Variants in PACRG observed in about 807,000 individuals in gnomAD.
PACRG encodes parkin coregulated.
Under a neutral mutation model 29.7 loss-of-function variants are expected in PACRG, and 29 were observed. The observed-to-expected ratio is 0.98, with a 90% CI of 0.73 to 1.33. PACRG has a LOEUF of 1.33. Ranked by LOEUF, PACRG falls within the 40% of genes most tolerant of loss-of-function variation. The pLI, the probability that PACRG is intolerant of heterozygous loss-of-function variation, is 0.00. For synonymous variants in PACRG, 116 were observed against 118.7 expected (o/e 0.98, Z 0.15); for missense variants, 279 against 316.2 (o/e 0.88, Z 0.89).
At chr6:162,969,280 T>G (rs1252765061) in intron 2 of PACRG, among the ~76,000 whole-genome samples, 1 of 152,084 alleles carries the variant, frequency 6.6e-6, no homozygotes, top group Non-Finnish European at 1.5e-5. Flanking sequence ...TTTCCTCCAT[T>G]TCACCTCATC....
intron 2 of PACRG, among the ~76,000 whole-genome samples, chr6:162,936,760 A>G (rs1008196949): frequency 6.6e-6 from 1 of 152,098 alleles, no homozygotes; most frequent in African/African-American, 2.4e-5. Flanking sequence ...TAAAAAGCAA[A>G]TAATTCATTT....
chr6:162,740,165 T>C (rs548462997), intron 1 of PACRG, among the ~76,000 whole-genome samples: 1 of 152,266 alleles, frequency 6.6e-6, no homozygotes, highest in East Asian at 1.9e-4. Context: ...CGAGATGAGT[T>C]CCCCCAATTT....
intron 2 of PACRG, among the ~76,000 whole-genome samples, chr6:162,975,187 T>TA (rs1801847745): frequency 6.6e-6 from 1 of 152,176 alleles, no homozygotes; most frequent in South Asian, 2.1e-4. Flanking sequence ...TGAAAATACA[T>TA]AAGCCAATAG....
chr6:162,738,215 G>A (rs1780314559), intron 1 of PACRG, among the ~76,000 whole-genome samples: 1 of 152,102 alleles, frequency 6.6e-6, no homozygotes, highest in Admixed American at 6.6e-5. Context: ...ATATCCTATA[G>A]ATAGATGGAT....
At chr6:162,749,546 G>A (rs1201505434) in intron 1 of PACRG, among the ~76,000 whole-genome samples, 1 of 151,804 alleles carries the variant, frequency 6.6e-6, no homozygotes, top group Non-Finnish European at 1.5e-5. Flanking sequence ...TTTGAGACGG[G>A]GTCTTGCTCT....
intron 2 of PACRG, among the ~76,000 whole-genome samples, chr6:162,921,847 G>T (rs892415397): frequency 1.3e-5 from 2 of 152,172 alleles, no homozygotes; most frequent in African/African-American, 4.8e-5. Flanking sequence ...ACAGAAAGCA[G>T]AGAGTTTATT....
At chr6:163,168,008 G>T (rs559126961) in intron 4 of PACRG, among the ~76,000 whole-genome samples, 12 of 152,252 alleles carry the variant, frequency 7.9e-5, no homozygotes, top group African/African-American at 2.9e-4. Context: ...TGCGGTGTTT[G>T]TTTTATCAAT....
At chr6:163,109,998 G>A (rs1815618886) in intron 4 of PACRG, among the ~76,000 whole-genome samples, 1 of 152,160 alleles carries the variant, frequency 6.6e-6, no homozygotes, top group Non-Finnish European at 1.5e-5. Context: ...TGACCACTGA[G>A]ATTTCTAGAG....
chr6:163,157,647 CA>C (rs1306960126), intron 4 of PACRG, among the ~76,000 whole-genome samples: 1 of 152,220 alleles, frequency 6.6e-6, no homozygotes, highest in African/African-American at 2.4e-5. Flanking sequence ...AACAGTTATC[CA>C]GCCAGCTGAG....
intron 4 of PACRG, among the ~76,000 whole-genome samples, chr6:163,149,127 G>T (rs1385041926): frequency 6.6e-6 from 1 of 151,970 alleles, no homozygotes; most frequent in African/African-American, 2.4e-5. Context: ...TGAAGCTCCT[G>T]CCCCGGCCCT....
intron 2 of PACRG, among the ~76,000 whole-genome samples, chr6:162,957,107 T>C (rs576652465): frequency 6.6e-6 from 1 of 151,896 alleles, no homozygotes; most frequent in African/African-American, 2.4e-5. Flanking sequence ...GAGACAGACT[T>C]GAGCTCCAGC....
chr6:163,134,386 T>C (rs1319585674), intron 4 of PACRG, among the ~76,000 whole-genome samples: 1 of 152,142 alleles, frequency 6.6e-6, no homozygotes, highest in East Asian at 1.9e-4. Flanking sequence ...ACACTGTGGG[T>C]TCACCAAAAT....
intron 2 of PACRG, among the ~76,000 whole-genome samples, chr6:162,874,137 G>GT (rs1347997264): frequency 5.8e-5 from 2 of 34,610 alleles, no homozygotes; most frequent in Non-Finnish European, 1.1e-4. Flanking sequence ...ACATGAGGGA[G>GT]TTAAAAAAAA....
intron 2 of PACRG, among the ~76,000 whole-genome samples, chr6:162,959,421 G>T (rs544456623): frequency 1.3e-5 from 2 of 152,044 alleles, no homozygotes; most frequent in Admixed American, 1.3e-4. Context: ...GAGACCTGCC[G>T]TGCATGGAGG....
intron 4 of PACRG, among the ~76,000 whole-genome samples, chr6:163,152,040 C>A (rs1778114100): frequency 6.6e-6 from 1 of 152,134 alleles, no homozygotes; most frequent in Non-Finnish European, 1.5e-5. Context: ...ATGGCACTTC[C>A]CAGCTGTGTG....
chr6:163,106,117 C>T (rs1032792505), intron 4 of PACRG, among the ~76,000 whole-genome samples: 3 of 152,042 alleles, frequency 2.0e-5, no homozygotes, highest in Non-Finnish European at 4.4e-5. Flanking sequence ...TATCCTTCCT[C>T]TAATTTAACA....
At chr6:162,787,813 C>A (rs1259227222) in intron 1 of PACRG, among the ~76,000 whole-genome samples, 1 of 136,020 alleles carries the variant, frequency 7.4e-6, no homozygotes, top group African/African-American at 2.5e-5. Flanking sequence ...CATAAGAATG[C>A]CTGTCCTCTA....
chr6:162,987,999 G>C (rs976953923), intron 2 of PACRG, among the ~76,000 whole-genome samples: 1 of 152,186 alleles, frequency 6.6e-6, no homozygotes, highest in Non-Finnish European at 1.5e-5. Context: ...CTCCACCCAG[G>C]TGGTGGCACA....
chr6:162,808,260 T>C (rs1219454797), intron 1 of PACRG, among the ~76,000 whole-genome samples: 1 of 152,212 alleles, frequency 6.6e-6, no homozygotes, highest in Non-Finnish European at 1.5e-5. Context: ...CAACAGGTCT[T>C]GCCCACCCGT....
Sources: allele counts gnomAD v4.1 joint callset (sites outside exome capture counted in the v4.1 genomes callset), GRCh38; gene constraint gnomAD v4.1.1; transcripts MANE v1.5; gene names NCBI Gene and HGNC (gene_info 2026-07-23, HGNC 2026-07-21).